PDK1: variants seen among roughly 807,000 people sequenced by gnomAD.
PDK1 encodes pyruvate dehydrogenase kinase 1.
A neutral mutation model predicts 54.2 loss-of-function variants in PDK1; 39 were observed. That is an observed-to-expected ratio of 0.72 (90% confidence interval 0.56 to 0.94). The LOEUF is 0.94. Ranked by LOEUF, PDK1 falls within the 40% of genes least tolerant of loss-of-function variation. The pLI is 0.00. For synonymous variants in PDK1, 221 were observed against 207.1 expected, an observed-to-expected ratio of 1.07 and a Z score of -0.58; for missense variants, 552 against 566.0, an observed-to-expected ratio of 0.98 and a Z score of 0.25.
the PDK1 span, among the ~76,000 whole-genome samples, chr2:172,663,095 T>A: frequency 6.6e-6 from 1 of 152,226 alleles, no homozygotes; most frequent in Non-Finnish European, 1.5e-5. Context: ...GAAATGTATT[T>A]CCTCACCATT....
At chr2:172,659,593 A>C in the PDK1 span, among the ~76,000 whole-genome samples, 1 of 152,226 alleles carries the variant, frequency 6.6e-6, no homozygotes, top group Non-Finnish European at 1.5e-5. Flanking sequence ...CCTCCCCTAC[A>C]TTAACCCACA....
At chr2:172,557,374 A>G (rs1171467204) in intron 1 of PDK1, among the ~76,000 whole-genome samples, 1 of 152,206 alleles carries the variant, frequency 6.6e-6, no homozygotes, top group Non-Finnish European at 1.5e-5. Context: ...TTTAAAATGC[A>G]TTACTGGAAT....
At chr2:172,564,162 T>C (rs1314434056) in intron 3 of PDK1, 4 of 480,648 alleles carry the variant, frequency 8.3e-6, no homozygotes, top group Non-Finnish European at 1.7e-5. Context: ...ATGCAGAATG[T>C]CTCTGGAATA....
the PDK1 span, among the ~76,000 whole-genome samples, chr2:172,641,673 A>T: frequency 6.6e-6 from 1 of 151,922 alleles, no homozygotes; most frequent in Admixed American, 6.6e-5. Flanking sequence ...CAAACTCCTG[A>T]CCTCAGGTGA....
intron 10 of PDK1, among the ~76,000 whole-genome samples, chr2:172,594,681 C>G (rs1360489327): frequency 6.6e-6 from 1 of 152,084 alleles, no homozygotes; most frequent in Non-Finnish European, 1.5e-5. Flanking sequence ...GATAAGAAGT[C>G]TTAGAGAATC....
the PDK1 span, among the ~76,000 whole-genome samples, chr2:172,633,430 T>C: frequency 2.1e-3 from 308 of 144,706 alleles, no homozygotes; most frequent in Non-Finnish European, 3.6e-3. Flanking sequence ...CACTTCCAAT[T>C]GATCAAAATC....
At chr2:172,642,673 G>A in the PDK1 span, among the ~76,000 whole-genome samples, 1 of 152,194 alleles carries the variant, frequency 6.6e-6, no homozygotes, top group Non-Finnish European at 1.5e-5. Context: ...TCCTGACAGG[G>A]TGGCCGGTCC....
the PDK1 span, among the ~76,000 whole-genome samples, chr2:172,626,672 T>TGA: frequency 6.6e-6 from 1 of 152,010 alleles, no homozygotes; most frequent in Admixed American, 6.6e-5. Flanking sequence ...TGCATTCCTG[T>TGA]AGTCCCAGCT....
intron 1 of PDK1, 41 bp downstream of exon 1, chr2:172,556,387 C>T: frequency 3.0e-6 from 4 of 1,346,774 alleles, no homozygotes; most frequent in Non-Finnish European, 3.8e-6. Flanking sequence ...TGCGCGGTCC[C>T]GGGCGGGGAG....
chr2:172,698,727 C>A, the PDK1 span, among the ~76,000 whole-genome samples: 1 of 152,198 alleles, frequency 6.6e-6, no homozygotes, highest in Non-Finnish European at 1.5e-5. Context: ...CTGAGAACTA[C>A]TGTTTTAGGC....
chr2:172,562,843 G>T, intron 3 of PDK1: 1 of 1,589,114 alleles, frequency 6.3e-7, no homozygotes, highest in South Asian at 1.1e-5. Flanking sequence ...ACCAGAATTG[G>T]TAAACCAAAG....
rs1159847154 is a variant in PDK1, at chr2:172,564,539, C to T, written c.447C>T (p.His149=). The T allele has an allele frequency of 1.9e-6, 3 of 1,614,076 alleles. No individual in the cohort carries two copies. The Admixed American group carries it at 5.0e-5, about 27-fold the overall frequency. ...CTGTGATACGGATCAGAAACCGACA[C>T]AATGATGTCATTCCCACAATGGCCC... ...TDTVIRIRNR[H]NDVIPTMAQG... Residue 149 remains histidine, a synonymous_variant, in exon 4 of 11, where the codon CAC becomes CAT. Coordinates refer to ENST00000282077, the MANE Select transcript of PDK1 (RefSeq NM_002610.5).
chr2:172,720,116 C>CTTTTTTTTTT, the PDK1 span, among the ~76,000 whole-genome samples: 1 of 116,734 alleles, frequency 8.6e-6, no homozygotes, highest in Admixed American at 9.9e-5. Context: ...CTCTCTCTCT[C>CTTTTTTTTTT]TTTTTTTTTT....
At chr2:172,647,958 G>A in the PDK1 span, among the ~76,000 whole-genome samples, 3 of 152,174 alleles carry the variant, frequency 2.0e-5, no homozygotes, top group East Asian at 3.8e-4. Context: ...TGCCAGAAAT[G>A]TTTTATTTTG....
the PDK1 span, among the ~76,000 whole-genome samples, chr2:172,714,467 C>T: frequency 1.3e-5 from 2 of 151,932 alleles, no homozygotes; most frequent in African/African-American, 2.4e-5. Flanking sequence ...TATTACCATA[C>T]TTTTCTGTAT....
the PDK1 span, among the ~76,000 whole-genome samples, chr2:172,675,144 T>G: frequency 6.6e-6 from 1 of 152,208 alleles, no homozygotes; most frequent in Non-Finnish European, 1.5e-5. Flanking sequence ...ACTGGCTGCT[T>G]CTTGTCTTCT....
At position 172,586,360 on chromosome 2, in the gene PDK1, G is replaced by C. The variant is rs779374368; in HGVS notation, c.1028G>C (p.Arg343Pro). ...ATGTATTCAACTGCACCAAGACCTC[G>C]TGTTGAGACCTCCCGCGCAGTGCCT... ...NYMYSTAPRP[R>P]VETSRAVPLA... Residue 343 changes from arginine to proline, a missense_variant, in exon 9 of 11, where the codon CGT becomes CCT. By Grantham distance (103) the Arg-to-Pro change is moderately radical. Transcript: ENST00000282077. The C allele has an allele frequency of 6.2e-7, 1 of 1,610,864 alleles. No individual in the cohort carries two copies. Among genetic ancestry groups the C allele is most frequent in the African/African-American group, 1.3e-5 (1 of 74,918 alleles).
At position 172,601,012 on chromosome 2, in the gene PDK1, T is replaced by G. The variant is rs1190678769; in HGVS notation, c.*5043T>G. ...TTTTACTGGGGTTAACTGCATGAGG[T>G]CAAAAAGAGCTATATTTGAGCTGCT... On this transcript the variant is annotated 3_prime_UTR_variant, in exon 11 of 11. Coordinates refer to ENST00000282077, the MANE Select transcript of PDK1 (RefSeq NM_002610.5). 6.6e-6 allele frequency: 1 copy of G among 152,144 alleles called. No individual in the cohort carries two copies. The highest frequency in any genetic ancestry group is 1.5e-5 in the Non-Finnish European group (1 of 68,020). 9.4% of individuals were successfully genotyped at this position (152,144 alleles called of 1,614,324 possible).
intron 8 of PDK1, among the ~76,000 whole-genome samples, chr2:172,575,705 C>T (rs1689541423): frequency 6.6e-6 from 1 of 151,898 alleles, no homozygotes; most frequent in Admixed American, 6.6e-5. Flanking sequence ...GCCTGTAATC[C>T]CAGCTACTCG....
Sources: allele counts gnomAD v4.1 joint callset (sites outside exome capture counted in the v4.1 genomes callset), GRCh38; gene constraint gnomAD v4.1.1; transcripts MANE v1.5; gene names NCBI Gene and HGNC (gene_info 2026-07-23, HGNC 2026-07-21).